The following ST6GAL1 variants were observed in gnomAD, a reference collection of about 807,000 sequenced individuals.
ST6GAL1 encodes the protein beta-galactoside alpha-2,6-sialyltransferase 1.
Under a neutral mutation model 38.0 loss-of-function variants are expected in ST6GAL1, and 20 were observed. The observed-to-expected ratio is 0.53, with a 90% CI of 0.37 to 0.77. ST6GAL1 has a LOEUF of 0.77. Among genes scored for constraint, ST6GAL1 ranks in the 30% least tolerant of loss-of-function variants. ST6GAL1 has a pLI of 0.00. For synonymous variants in ST6GAL1, 196 were observed against 188.2 expected (o/e 1.04, Z -0.34); for missense variants, 432 against 496.4 (o/e 0.87, Z 1.23).
intron 5 of ST6GAL1, among the ~76,000 whole-genome samples, chr3:187,066,347 A>G (rs76377371): frequency 2.0e-5 from 3 of 151,974 alleles, no homozygotes; most frequent in Non-Finnish European, 4.4e-5. Context: ...GGAAAGAGAG[A>G]GCTCTGCGGG....
chr3:186,997,880 T>C (rs978070812), intron 2 of ST6GAL1, among the ~76,000 whole-genome samples: 41 of 152,254 alleles, frequency 2.7e-4, no homozygotes, highest in African/African-American at 9.9e-4. Context: ...CAGTGCTATC[T>C]AATGGAAATA....
At chr3:187,026,205 G>A (rs1333661693) in intron 2 of ST6GAL1, among the ~76,000 whole-genome samples, 1 of 152,204 alleles carries the variant, frequency 6.6e-6, no homozygotes, top group Non-Finnish European at 1.5e-5. Context: ...GCAAAACGGT[G>A]ACTTGTCAGA....
At chr3:187,027,664 T>G (rs889346888) in intron 2 of ST6GAL1, among the ~76,000 whole-genome samples, 1 of 152,140 alleles carries the variant, frequency 6.6e-6, no homozygotes, top group Non-Finnish European at 1.5e-5. Context: ...AGAAGCTCAC[T>G]GACAGAACCG....
At chr3:186,984,757 TCCCTCCCTCCTTCCTTCCTTCCCTTCCTC>T (rs1715822227) in intron 2 of ST6GAL1, among the ~76,000 whole-genome samples, 2 of 49,180 alleles carry the variant, frequency 4.1e-5, no homozygotes, top group African/African-American at 9.6e-5. Flanking sequence ...CCTCCCTCCC[TCCCTCCCTCCTTCCTTCCTTCCCTTCCTC>T]CCTTCCTTCC....
chr3:187,043,151 G>A lies in ST6GAL1; in HGVS notation c.448G>A (p.Val150Ile). The part of the protein sequence containing the change: ...LRCHLRDHVN[V>I]SMVEVTDFPF... ...CTGCCACCTCCGGGACCATGTGAAT[G>A]TATCCATGGTAGAGGTCACAGATTT... Residue 150 changes from valine to isoleucine, a missense_variant, in exon 4 of 8, where the codon GTA becomes ATA. Coordinates refer to ENST00000169298, the MANE Select transcript of ST6GAL1 (RefSeq NM_173216.2). 6.2e-7 allele frequency: 1 copy of A among 1,614,222 alleles called. No homozygotes were observed. Among genetic ancestry groups the A allele is most frequent in the Non-Finnish European group, 8.5e-7 (1 of 1,180,024 alleles).
intron 2 of ST6GAL1, among the ~76,000 whole-genome samples, chr3:187,014,758 A>C (rs952072518): frequency 6.6e-6 from 1 of 152,192 alleles, no homozygotes; most frequent in Non-Finnish European, 1.5e-5. Flanking sequence ...CAAAATGTTG[A>C]TGTTCTCGAG....
chr3:187,007,457 A>G (rs749332976), intron 2 of ST6GAL1, among the ~76,000 whole-genome samples: 1 of 152,246 alleles, frequency 6.6e-6, no homozygotes, highest in South Asian at 2.1e-4. Flanking sequence ...CTCAAATGGC[A>G]TACCAAAAGC....
intron 2 of ST6GAL1, among the ~76,000 whole-genome samples, chr3:187,015,651 C>A (rs777076607): frequency 3.3e-5 from 5 of 152,002 alleles, no homozygotes; most frequent in Non-Finnish European, 5.9e-5. Flanking sequence ...CCAGCCTGGG[C>A]AATGTGATGA....
rs73069487 is a variant in ST6GAL1, at chr3:186,996,011, T to G, written c.-183+32085T>G. On this transcript the variant is annotated intron_variant, in intron 2 of 7. Transcript: ENST00000169298. ...GGCCATATTATCGGTGCGTGTTTAC[T>G]CCCATCGCATGTACCATTCCTCTCA... Among the ~76,000 whole-genome samples the G allele has an allele frequency of 5.4e-3, 822 of 152,334 alleles. 5 individuals are homozygous for G. Among genetic ancestry groups the G allele is most frequent in the African/African-American group, 0.019 (779 of 41,572 alleles).
intron 1 of ST6GAL1, among the ~76,000 whole-genome samples, chr3:186,950,068 G>A (rs751906586): frequency 1.9e-4 from 29 of 152,318 alleles, no homozygotes; most frequent in East Asian, 7.7e-4. Context: ...TAGGAGGAGA[G>A]CCAGGCCTGT....
Position 187,045,198 on chromosome 3 carries a change from G to T in ST6GAL1, c.607+1888G>T, listed in dbSNP as rs372554898. On this transcript the variant is annotated intron_variant, in intron 4 of 7. Coordinates refer to ENST00000169298, the MANE Select transcript of ST6GAL1 (RefSeq NM_173216.2). The stretch of plus-strand genomic sequence containing the variant: ...AAATAACATTGCTGACAAGGTTTTT[G>T]TGCAGATAACTTAGGTAACCACTAT... 7.2e-4 allele frequency among the ~76,000 whole-genome samples: 110 copies of T among 152,116 alleles called. 1 individual carries two copies. Among genetic ancestry groups the T allele is most frequent in the African/African-American group, 2.4e-3 (99 of 41,500 alleles).
At chr3:186,989,695 C>CT (rs1175949317) in intron 2 of ST6GAL1, among the ~76,000 whole-genome samples, 1 of 152,182 alleles carries the variant, frequency 6.6e-6, no homozygotes, top group Non-Finnish European at 1.5e-5. Context: ...ATTTGACTTG[C>CT]TGTCAGCATA....
chr3:186,999,442 C>T (rs1203835226), intron 2 of ST6GAL1, among the ~76,000 whole-genome samples: 1 of 144,912 alleles, frequency 6.9e-6, no homozygotes, highest in African/African-American at 2.6e-5. Context: ...GACGGAGTCT[C>T]ACTCCGTAGC....
At chr3:186,990,225 G>T (rs13082825) in intron 2 of ST6GAL1, among the ~76,000 whole-genome samples, 1 of 151,944 alleles carries the variant, frequency 6.6e-6, no homozygotes. Context: ...GTAGAGACAG[G>T]GTTTCACCAT....
chr3:187,078,121 A>G lies in ST6GAL1; in HGVS notation c.*2318A>G, dbSNP rs1719623954. On this transcript the variant is annotated 3_prime_UTR_variant, in exon 8 of 8. Transcript: ENST00000169298. ...GTGGCATTCCGACAGCAGGACATAC[A>G]TGTTGGTGTGAAGACTGGGACGACA... The G allele has an allele frequency of 6.6e-6, 1 of 152,526 alleles. No individual in the cohort carries two copies. Among genetic ancestry groups the G allele is most frequent in the African/African-American group, 2.4e-5 (1 of 41,412 alleles). 9.4% of individuals were successfully genotyped at this position (152,526 alleles called of 1,614,324 possible).
At chr3:187,072,545 T>C in intron 5 of ST6GAL1, 1 of 369,314 alleles carries the variant, frequency 2.7e-6, no homozygotes, top group South Asian at 2.2e-5. Context: ...AAGCTGTGAC[T>C]CCAGGAGGCT....
At chr3:186,976,666 G>C (rs999360546) in intron 2 of ST6GAL1, among the ~76,000 whole-genome samples, 7 of 152,184 alleles carry the variant, frequency 4.6e-5, no homozygotes, top group Non-Finnish European at 2.9e-5. Context: ...CTGACCTCAA[G>C]TGATCCACCT....
intron 2 of ST6GAL1, among the ~76,000 whole-genome samples, chr3:187,017,074 G>A (rs544654051): frequency 7.9e-5 from 12 of 152,342 alleles, no homozygotes; most frequent in African/African-American, 2.9e-4. Context: ...GATTGAAGCT[G>A]TGGCCCTGCC....
chr3:187,066,858 A>G (rs1335260363), intron 5 of ST6GAL1, among the ~76,000 whole-genome samples: 1 of 152,012 alleles, frequency 6.6e-6, no homozygotes, highest in East Asian at 1.9e-4. Context: ...CTCCCCCTGC[A>G]GGTAAGTACA....
Sources: allele counts gnomAD v4.1 joint callset (sites outside exome capture counted in the v4.1 genomes callset), GRCh38; gene constraint gnomAD v4.1.1; transcripts MANE v1.5; gene names NCBI Gene and HGNC (gene_info 2026-07-23, HGNC 2026-07-21).